The following PLEKHG2 variants were observed in gnomAD, a reference collection of about 807,000 sequenced individuals.
The protein encoded by PLEKHG2 is pleckstrin homology domain-containing family G member 2.
In PLEKHG2, 71 loss-of-function variants were observed where a neutral mutation model predicts 104.4. The ratio of observed to expected loss-of-function variants is 0.68; its 90% confidence interval spans 0.56 to 0.83. The LOEUF (loss-of-function observed/expected upper bound fraction) is 0.83, where lower values mean the gene tolerates loss of function less well. PLEKHG2 is among the 40% of genes least tolerant of loss of function. The pLI is 0.00. For missense variants in PLEKHG2, 1,730 were observed against 1,809.4 expected, an observed-to-expected ratio of 0.96 and a Z score of 0.80; for synonymous variants, 728 against 737.0, an observed-to-expected ratio of 0.99 and a Z score of 0.20.
In PLEKHG2 at chr19:39,412,756, A is replaced by C. The variant is rs969518121; in HGVS notation, c.-679A>C. The C allele has an allele frequency of 7.9e-5, 12 of 152,144 alleles. No individual in the cohort carries two copies. The East Asian group carries it at 2.3e-3, about 29-fold the overall frequency. 9.4% of individuals were successfully genotyped at this position (152,144 alleles called of 1,614,324 possible). On this transcript the variant is annotated 5_prime_UTR_variant, in exon 1 of 19. Transcript: ENST00000425673. ...AGAGGCTCGGACCCGGGCGTCCGGA[A>C]TTTCTGCACCGCATCCTGAGAGACC...
chr19:39,417,031 G>T, intron 7 of PLEKHG2, 31 bp downstream of exon 7: 1 of 1,576,618 alleles, frequency 6.3e-7, no homozygotes. Context: ...CCAGGCTGGG[G>T]AGGGGGAGGT....
rs1272709568 is a variant in PLEKHG2 at position 39,425,159 on chromosome 19, CGTGGGCGGGG to C, written c.4035_4044del (p.Gly1346CysfsTer10). Reference sequence around the variant, plus strand: ...GCTATGCCACGACGGTTAACATCCACGTGGGCGGGGGTGGGCGGCTGCGGCCAGCCAAGGC... The same window carrying C: ...GCTATGCCACGACGGTTAACATCCACGTGGGCGGCTGCGGCCAGCCAAGGC... On this transcript the variant is annotated frameshift_variant, in exon 19 of 19. Coordinates refer to ENST00000425673, the MANE Select transcript of PLEKHG2 (RefSeq NM_022835.3). LOFTEE classifies it high-confidence loss of function. 1 of 1,596,172 alleles carries C rather than the reference CGTGGGCGGGG, an allele frequency of 6.3e-7. No homozygotes were observed. Among genetic ancestry groups the C allele is most frequent in the Admixed American group, 1.8e-5 (1 of 55,978 alleles).
rs10401595 is a variant in PLEKHG2 at position 39,416,345 on chromosome 19, T to C, written c.480-3T>C. 0.18 allele frequency: 295,630 copies of C among 1,611,784 alleles called. 28,287 individuals are homozygous for C. The highest frequency in any genetic ancestry group is 0.23 in the South Asian group (21,308 of 90,964). ...GTTCCTCACCCTCCCCTCTCCCCTG[T>C]AGCGAGCTCCTGGAGGACTTGGAGA... On this transcript the variant is annotated splice_polypyrimidine_tract_variant and splice_region_variant and intron_variant, in intron 4 of 18. Coordinates refer to ENST00000425673, the MANE Select transcript of PLEKHG2 (RefSeq NM_022835.3). The surrounding 1 kb of genome is among the most constrained non-coding windows in gnomAD (Gnocchi z 4.5).
rs201038820 is a variant in PLEKHG2, at chr19:39,415,432, T to C, written c.472T>C (p.Phe158Leu). ...TGCCAACATTGAGGACATCTACGAG[T>C]TCAGCAGGTCAGGGGCAGGGGGGAC... ...LFANIEDIYE[F>L]SSELLEDLEN... The change falls in exon 4 of 19, where the codon TTC (phenylalanine) becomes CTC (leucine). Residue 158 changes from phenylalanine to leucine, a missense_variant. By Grantham distance (22) the Phe-to-Leu change is conservative. Transcript: ENST00000425673. The surrounding 1 kb of genome is among the most constrained non-coding windows in gnomAD (Gnocchi z 4.6). 500 of 1,613,542 alleles carry C rather than the reference T, an allele frequency of 3.1e-4. 3 individuals are homozygous for C. Among genetic ancestry groups the C allele is most frequent in the Admixed American group, 5.0e-4 (30 of 59,968 alleles).
In PLEKHG2 at chr19:39,422,933, C is replaced by G. The variant is rs1600663210; in HGVS notation, c.1879C>G (p.Pro627Ala). The change falls in exon 18 of 19, where the codon CCC (proline) becomes GCC (alanine). Residue 627 changes from proline to alanine, a missense_variant. Coordinates refer to ENST00000425673, the MANE Select transcript of PLEKHG2 (RefSeq NM_022835.3). Reference sequence around the variant, plus strand: ...CGAAAGTTCCATTGCAGCTGAAATGCCCAGCATTCCCTGCCTTACCAAAAT... The same window carrying G: ...CGAAAGTTCCATTGCAGCTGAAATGGCCAGCATTCCCTGCCTTACCAAAAT... ...GLESSIAAEMPSIPCLTKIPD... is the reference protein window; with the variant it reads ...GLESSIAAEMASIPCLTKIPD... The G allele has an allele frequency of 1.2e-6, 2 of 1,613,000 alleles. No homozygotes were observed.
rs1181200522 is a variant in PLEKHG2, at chr19:39,425,569, G to C, written c.*275G>C. ...TGTGGGAGATGACAAGACAATGAAT[G>C]GGAAGGTCTGACACAGAACAAATCA... is the stretch of plus-strand genomic sequence containing the variant. On this transcript the variant is annotated 3_prime_UTR_variant, in exon 19 of 19. Transcript: ENST00000425673. The C allele has an allele frequency of 2.1e-6, 1 of 487,174 alleles. No individual in the cohort carries two copies. The highest frequency in any genetic ancestry group is 3.5e-6 in the Non-Finnish European group (1 of 288,574). The allele number at this position is 487,174 out of a possible 1,614,324, so 30.2% of individuals were successfully genotyped here. A position where few individuals can be genotyped will look rare whatever the true frequency, so the allele number is the denominator to read the frequency against.
intron 9 of PLEKHG2, 143 bp from the exon 10 acceptor site, chr19:39,418,588 AAAG>A: frequency 1.6e-6 from 1 of 627,146 alleles, no homozygotes; most frequent in East Asian, 2.8e-5. Context: ...CAAAAAAAAA[AAAG>A]GGAGAGGAAA....
At position 39,425,685 on chromosome 19, in the gene PLEKHG2, A is replaced by T. The variant is rs2078774037; in HGVS notation, c.*391A>T. The T allele has an allele frequency of 3.1e-6, 1 of 325,906 alleles. No individual in the cohort carries two copies. The highest frequency in any genetic ancestry group is 5.5e-6 in the Non-Finnish European group (1 of 180,654). 20.2% of individuals were successfully genotyped at this position (325,906 alleles called of 1,614,324 possible). ...ACTTGGCGTGTGTGTGAACTGCTTGATGCCCATCCAGGAAAGCCAAGTTAA... is the reference window on the plus strand; with the variant it reads ...ACTTGGCGTGTGTGTGAACTGCTTGTTGCCCATCCAGGAAAGCCAAGTTAA... On this transcript the variant is annotated 3_prime_UTR_variant, in exon 19 of 19. Coordinates refer to ENST00000425673, the MANE Select transcript of PLEKHG2 (RefSeq NM_022835.3).
rs963248944 is a variant in PLEKHG2, at chr19:39,425,591, A to T, written c.*297A>T. 4.7e-5 allele frequency: 20 copies of T among 429,900 alleles called. No individual in the cohort carries two copies. The highest frequency in any genetic ancestry group is 8.0e-5 in the Non-Finnish European group (20 of 250,380). The allele number at this position is 429,900 out of a possible 1,614,324, so 26.6% of individuals were successfully genotyped here. A position where few individuals can be genotyped will look rare whatever the true frequency, so the allele number is the denominator to read the frequency against. On this transcript the variant is annotated 3_prime_UTR_variant, in exon 19 of 19. Transcript: ENST00000425673. Reference sequence around the variant, plus strand: ...AATGGGAAGGTCTGACACAGAACAAATCAGCGGTTCTGAAAGCTTGGGGAA... The same window carrying T: ...AATGGGAAGGTCTGACACAGAACAATTCAGCGGTTCTGAAAGCTTGGGGAA...
rs930006524 is a variant in PLEKHG2 at position 39,415,985 on chromosome 19, G to A, written c.480-363G>A. 6.6e-6 allele frequency among the ~76,000 whole-genome samples: 1 copy of A among 152,118 alleles called. No homozygotes were observed. Among genetic ancestry groups the A allele is most frequent in the Non-Finnish European group, 1.5e-5 (1 of 68,004 alleles). ...GGATGGTTGGTCACTGTGGTAAGGA[G>A]GACTCTGGGGTCCAAGGATCATGAC... On this transcript the variant is annotated intron_variant, in intron 4 of 18. Coordinates refer to ENST00000425673, the MANE Select transcript of PLEKHG2 (RefSeq NM_022835.3). This position sits in a 1 kb window ranked among gnomAD's most constrained non-coding sequence, Gnocchi z 4.6.
At position 39,415,695 on chromosome 19, in the gene PLEKHG2, A is replaced by G. The variant is rs937428980; in HGVS notation, c.479+256A>G. Among the ~76,000 whole-genome samples, 1 of 150,066 alleles carries G rather than the reference A, an allele frequency of 6.7e-6. No individual in the cohort carries two copies. Among genetic ancestry groups the G allele is most frequent in the Non-Finnish European group, 1.5e-5 (1 of 67,558 alleles). On this transcript the variant is annotated intron_variant, in intron 4 of 18. Coordinates refer to ENST00000425673, the MANE Select transcript of PLEKHG2 (RefSeq NM_022835.3). This position sits in a 1 kb window ranked among gnomAD's most constrained non-coding sequence, Gnocchi z 4.6. ...AGGGAGGGGCATAGCGGATGGGAGG[A>G]CCCCGAGTGAGGGAGGGGCATAGCG...
At position 39,423,665 on chromosome 19, in the gene PLEKHG2, G is replaced by A. The variant is rs1254499324; in HGVS notation, c.2599+12G>A. 6.4e-7 allele frequency: 1 copy of A among 1,554,380 alleles called. No homozygotes were observed. The highest frequency in any genetic ancestry group is 1.4e-5 in the African/African-American group (1 of 73,378). On this transcript the variant is annotated intron_variant, in intron 18 of 18. Coordinates refer to ENST00000425673, the MANE Select transcript of PLEKHG2 (RefSeq NM_022835.3). ...GCAGGCAGAGCCAGGTGAGGTCCGG[G>A]TACGTGGTTGGCAGAGGTGGTCCCC... is the stretch of plus-strand genomic sequence containing the variant.
At chr19:39,417,354 C>T (rs10407472) in intron 7 of PLEKHG2, among the ~76,000 whole-genome samples, 36,293 of 151,616 alleles carry the variant, frequency 0.24, 5,039 homozygotes, top group African/African-American at 0.39. Context: ...GGTTTCACTA[C>T]GTTGGCCGGG....
chr19:39,415,225 C>A lies in PLEKHG2; in HGVS notation c.343C>A (p.Arg115=). ...RVAREIVETE[R]AYVRDLRSIV... is the part of the protein sequence containing the mutation. ...GGCCCGGGAGATCGTGGAGACAGAA[C>A]GGGCCTATGTCAGGGACCTCCGCAG... Residue 115 remains arginine (R), a synonymous_variant, in exon 3 of 19, where the codon CGG becomes AGG. Transcript: ENST00000425673. This position sits in a 1 kb window ranked among gnomAD's most constrained non-coding sequence, Gnocchi z 4.6. 6.3e-7 allele frequency: 1 copy of A among 1,583,904 alleles called. No homozygotes were observed. Among genetic ancestry groups the A allele is most frequent in the East Asian group, 2.3e-5 (1 of 43,118 alleles).
In PLEKHG2 at chr19:39,422,207, C is replaced by T. The variant is rs1334864743; in HGVS notation, c.1596C>T (p.Pro532=). 6.2e-7 allele frequency: 1 copy of T among 1,613,890 alleles called. No homozygotes were observed. Among genetic ancestry groups the T allele is most frequent in the Admixed American group, 1.7e-5 (1 of 59,988 alleles). ...APPEDLEDAG[P]PTLDPSGTSI... ...CTGAGGACCTGGAGGATGCTGGACC[C>T]CCAACACTGGACCCCTCTGGGACCT... Residue 532 remains proline (P), a synonymous_variant, in exon 17 of 19, where the codon CCC becomes CCT. Coordinates refer to ENST00000425673, the MANE Select transcript of PLEKHG2 (RefSeq NM_022835.3).
chr19:39,420,592 G>A lies in PLEKHG2; in HGVS notation c.1264-34G>A, dbSNP rs371532915. On this transcript the variant is annotated intron_variant, in intron 11 of 18. Transcript: ENST00000425673. ...ATCCTCTCTGTGGTACTCCAAGATC[G>A]ACCCACCTCAGCCCTCATCCTCCTG... 53 of 1,613,762 alleles carry A rather than the reference G, an allele frequency of 3.3e-5. No individual in the cohort carries two copies. The African/African-American group carries it at 5.7e-4, about 17-fold the overall frequency.
At chr19:39,417,087 C>G (rs1600649850) in intron 7 of PLEKHG2, 87 bp downstream of exon 7, 6 of 1,442,096 alleles carry the variant, frequency 4.2e-6, no homozygotes, top group Non-Finnish European at 4.6e-6. Context: ...ATGGACCCCC[C>G]ACGAGTTGGG....
chr19:39,418,714 A>G lies in PLEKHG2; in HGVS notation c.1084-20A>G, dbSNP rs754603482. The G allele has an allele frequency of 1.1e-5, 18 of 1,598,672 alleles. No individual in the cohort carries two copies. The East Asian group carries it at 4.0e-4, about 36-fold the overall frequency. On this transcript the variant is annotated intron_variant, in intron 9 of 18. Transcript: ENST00000425673. ...TGAGCCCAAGGACTCTGAGCTTGCT[A>G]CCCCTCTCTTTCCTTCCAGTGCTGC...
intron 11 of PLEKHG2, among the ~76,000 whole-genome samples, chr19:39,420,324 A>C (rs962683055): frequency 1.0e-3 from 152 of 151,570 alleles, no homozygotes; most frequent in Middle Eastern, 3.4e-3. Flanking sequence ...GCGCCTTTGC[A>C]CTCCAACCTC....
Sources: gnomAD v4.1 joint callset for allele counts (sites outside exome capture counted in the v4.1 genomes callset) on GRCh38, gnomAD v4.1.1 for gene constraint, Gnocchi (gnomAD v3.1) non-coding constraint, MANE v1.5 for transcripts, NCBI Gene and HGNC (gene_info 2026-07-23, HGNC 2026-07-21) for gene names.